The following DIAPH2 variants were observed in gnomAD, a reference collection of about 807,000 sequenced individuals.
DIAPH2 encodes the protein diaphanous related formin 2, also known as protein diaphanous homolog 2.
A neutral mutation model predicts 92.7 loss-of-function variants in DIAPH2; 35 were observed. The observed-to-expected ratio is 0.38, with a 90% CI of 0.29 to 0.50. The LOEUF is 0.50. Ranked by LOEUF, DIAPH2 falls within the 20% of genes least tolerant of loss-of-function variation. The probability of loss-of-function intolerance (pLI) is 0.94; values close to 1 mark genes in which losing one functional copy is unlikely to be tolerated. For missense variants in DIAPH2, 701 were observed against 819.5 expected (o/e 0.86, Z 1.77); for synonymous variants, 301 against 280.4 (o/e 1.07, Z -0.73).
At chrX:96,933,354 G>A (rs113253962) in intron 10 of DIAPH2, among the ~76,000 whole-genome samples, 2,291 of 104,578 alleles carry the variant, frequency 0.022, 62 homozygotes, top group African/African-American at 0.076. Flanking sequence ...TTTTGAGACA[G>A]GGTCTTGCTC....
intron 5 of DIAPH2, among the ~76,000 whole-genome samples, chrX:96,887,173 T>C (rs1324644385): frequency 2.7e-5 from 3 of 112,030 alleles, no homozygotes; most frequent in Non-Finnish European, 5.6e-5. Flanking sequence ...TAGGTCTAGA[T>C]ATAATGTCAG....
intron 1 of DIAPH2, among the ~76,000 whole-genome samples, chrX:96,709,631 G>T (rs1602443395): frequency 9.0e-6 from 1 of 111,519 alleles, no homozygotes; most frequent in East Asian, 2.8e-4. Context: ...AAATGTTGAA[G>T]GTAATGTTTG....
chrX:97,319,531 C>T (rs2068872749), intron 23 of DIAPH2, among the ~76,000 whole-genome samples: 1 of 109,887 alleles, frequency 9.1e-6, no homozygotes, highest in African/African-American at 3.3e-5. Context: ...GGACTACAGG[C>T]GCCCACCACT....
chrX:97,022,376 T>C (rs899527537), intron 17 of DIAPH2, among the ~76,000 whole-genome samples: 1 of 111,975 alleles, frequency 8.9e-6, no homozygotes, highest in African/African-American at 3.2e-5. Flanking sequence ...GGTACTATTT[T>C]TCTTCTGGTA....
At chrX:96,895,260 C>T (rs2065337497) in intron 5 of DIAPH2, among the ~76,000 whole-genome samples, 1 of 111,524 alleles carries the variant, frequency 9.0e-6, no homozygotes, top group Non-Finnish European at 1.9e-5. Flanking sequence ...CTGCCTCGGC[C>T]TCCCAAAATA....
intron 17 of DIAPH2, among the ~76,000 whole-genome samples, chrX:97,051,867 A>G (rs913989590): frequency 6.2e-5 from 7 of 112,042 alleles, no homozygotes; most frequent in Non-Finnish European, 1.3e-4. Flanking sequence ...CAAAAATAAA[A>G]GCTGTCAAAC....
intron 4 of DIAPH2, among the ~76,000 whole-genome samples, chrX:96,868,864 C>T (rs1339255808): frequency 9.0e-6 from 1 of 111,305 alleles, no homozygotes; most frequent in South Asian, 3.8e-4. Flanking sequence ...GTGAAGAAAC[C>T]GAGAATCTGT....
At chrX:97,369,339 G>A (rs149674367) in intron 24 of DIAPH2, among the ~76,000 whole-genome samples, 2 of 111,302 alleles carry the variant, frequency 1.8e-5, no homozygotes, top group East Asian at 5.7e-4. Context: ...AATAGGGTGA[G>A]TGCATCTTGT....
intron 17 of DIAPH2, among the ~76,000 whole-genome samples, chrX:96,987,331 CATCTT>C (rs767230423): frequency 1.8e-5 from 2 of 111,660 alleles, no homozygotes; most frequent in South Asian, 3.7e-4. Flanking sequence ...CTGTCCTCCT[CATCTT>C]ATTTGCTCAT....
At chrX:97,211,139 T>A (rs1227756317) in intron 22 of DIAPH2, among the ~76,000 whole-genome samples, 1 of 111,975 alleles carries the variant, frequency 8.9e-6, no homozygotes, top group Non-Finnish European at 1.9e-5. Context: ...TTGTTTAAAC[T>A]GACTTTGCCC....
chrX:97,094,671 A>G (rs1255933194), intron 19 of DIAPH2, among the ~76,000 whole-genome samples: 3 of 112,080 alleles, frequency 2.7e-5, no homozygotes, highest in Non-Finnish European at 5.6e-5. Flanking sequence ...CCTGACAGAA[A>G]ATGTATTTTG....
chrX:97,393,445 A>G (rs1320813862), intron 25 of DIAPH2, among the ~76,000 whole-genome samples: 2 of 112,244 alleles, frequency 1.8e-5, no homozygotes, highest in East Asian at 2.8e-4. Flanking sequence ...TAATTAGAGC[A>G]TGCACAGTAA....
chrX:97,228,567 T>G (rs1304853107), intron 22 of DIAPH2, among the ~76,000 whole-genome samples: 2 of 111,702 alleles, frequency 1.8e-5, no homozygotes, highest in Non-Finnish European at 3.8e-5. Flanking sequence ...GGCAGCAATA[T>G]TCTTCTAATG....
intron 25 of DIAPH2, among the ~76,000 whole-genome samples, chrX:97,428,522 C>T (rs1266208645): frequency 1.8e-4 from 19 of 104,402 alleles, no homozygotes; most frequent in African/African-American, 4.6e-4. Context: ...GCAACAAGAG[C>T]GAAACTCTGT....
At chrX:96,700,023 T>C (rs780718467) in intron 1 of DIAPH2, among the ~76,000 whole-genome samples, 29 of 111,907 alleles carry the variant, frequency 2.6e-4, no homozygotes, top group Non-Finnish European at 4.1e-4. Context: ...TTATATATCA[T>C]TTTGAGACAG....
chrX:96,820,202 G>T (rs1279254121), intron 4 of DIAPH2, among the ~76,000 whole-genome samples: 1 of 112,443 alleles, frequency 8.9e-6, no homozygotes, highest in Admixed American at 9.4e-5. Flanking sequence ...GAGTGCAATG[G>T]CTCACACCTG....
chrX:96,801,920 A>G (rs2064585409), intron 4 of DIAPH2, among the ~76,000 whole-genome samples: 1 of 111,677 alleles, frequency 9.0e-6, no homozygotes, highest in African/African-American at 3.3e-5. Context: ...AGAAAAGTAC[A>G]CAAACCATAA....
chrX:97,247,884 A>G (rs750116312), intron 23 of DIAPH2, 45 bp downstream of exon 23: 4 of 1,134,122 alleles, frequency 3.5e-6, no homozygotes, highest in Non-Finnish European at 4.8e-6. Context: ...TTTAGTCTCT[A>G]TGTCTGTCTG....
chrX:97,276,366 A>G (rs1365076747), intron 23 of DIAPH2, among the ~76,000 whole-genome samples: 1 of 111,717 alleles, frequency 9.0e-6, no homozygotes, highest in Non-Finnish European at 1.9e-5. Flanking sequence ...CATTCCTAAA[A>G]CTATATGTGG....
Sources: gnomAD v4.1 joint callset for allele counts (sites outside exome capture counted in the v4.1 genomes callset) on GRCh38, gnomAD v4.1.1 for gene constraint, MANE v1.5 for transcripts, NCBI Gene and HGNC (gene_info 2026-07-23, HGNC 2026-07-21) for gene names.